Variants in TRIM66 observed in about 807,000 individuals in gnomAD.
TRIM66 encodes the protein tripartite motif-containing protein 66.
TRIM66 carries 99 observed loss-of-function variants against 148.2 expected under a neutral mutation model. The observed-to-expected ratio is 0.67, with a 90% CI of 0.57 to 0.79. The LOEUF (loss-of-function observed/expected upper bound fraction) is 0.79, where lower values mean the gene tolerates loss of function less well. TRIM66 is among the 30% of genes least tolerant of loss of function. TRIM66 has a pLI of 0.00. For synonymous variants in TRIM66, 616 were observed against 635.9 expected (o/e 0.97, Z 0.47); for missense variants, 1,666 against 1,697.9 (o/e 0.98, Z 0.33).
rs1452421498 is a variant in TRIM66 at position 8,620,040 on chromosome 11, C to G, written c.3747+10G>C. On this transcript the variant is annotated intron_variant, in intron 22 of 24. Transcript: ENST00000646038. Reference sequence around the variant, plus strand: ...AGGAGAAGGTGAGAGAACAGCGTGGCCTTCCTTACCAGGGGGCTGACAGGT... The same window carrying G: ...AGGAGAAGGTGAGAGAACAGCGTGGGCTTCCTTACCAGGGGGCTGACAGGT... 2 of 1,551,260 alleles carry G rather than the reference C, an allele frequency of 1.3e-6. No individual in the cohort carries two copies. The highest frequency in any genetic ancestry group is 1.7e-6 in the Non-Finnish European group (2 of 1,146,726).
Position 8,640,569 on chromosome 11 carries a change from T to G in TRIM66, c.1806A>C (p.Leu602=), listed in dbSNP as rs1392171790. Residue 602 remains leucine, a synonymous_variant, in exon 14 of 25, where the codon CTA becomes CTC. Coordinates refer to ENST00000646038, the MANE Select transcript of TRIM66 (RefSeq NM_001388022.1). ...SHFQQQPQQQ[L]PPPPPPLPHP... ...GGGGGAGGGGTGGTGGTGGAGGTGG[T>G]AGCTGCTGCTGTGGCTGCTGCTGAA... is the stretch of plus-strand genomic sequence containing the variant. 3 of 1,548,166 alleles carry G rather than the reference T, an allele frequency of 1.9e-6. No homozygotes were observed. The highest frequency in any genetic ancestry group is 1.7e-6 in the Non-Finnish European group (2 of 1,145,456).
intron 13 of TRIM66, among the ~76,000 whole-genome samples, chr11:8,642,125 G>A (rs1223678998): frequency 1.3e-5 from 2 of 152,156 alleles, no homozygotes; most frequent in African/African-American, 2.4e-5. Flanking sequence ...TGCACAAGTA[G>A]ATCTATGGCT....
intron 3 of TRIM66, among the ~76,000 whole-genome samples, chr11:8,676,963 A>G (rs961128732): frequency 1.3e-5 from 2 of 152,246 alleles, no homozygotes; most frequent in African/African-American, 4.8e-5. Context: ...AATGTTAACA[A>G]AAAGTTAAAT....
chr11:8,618,660 C>T, intron 24 of TRIM66, 90 bp downstream of exon 24: 2 of 1,248,760 alleles, frequency 1.6e-6, no homozygotes, highest in Non-Finnish European at 2.2e-6. Flanking sequence ...TTTTGCACCA[C>T]CCGAACAGCT....
chr11:8,669,470 CCT>C (rs1565572199), intron 6 of TRIM66, among the ~76,000 whole-genome samples: 1 of 152,046 alleles, frequency 6.6e-6, no homozygotes, highest in Non-Finnish European at 1.5e-5. Flanking sequence ...ATGGCGAAAC[CCT>C]GTCTCTACTA....
intron 13 of TRIM66, 129 bp from the exon 14 acceptor site, chr11:8,641,281 C>T: frequency 1.2e-6 from 1 of 822,702 alleles, no homozygotes; most frequent in Non-Finnish European, 1.9e-6. Flanking sequence ...AGAAACTCAA[C>T]CCTTGATCTC....
At chr11:8,619,139 A>G in intron 23 of TRIM66, 171 bp from the exon 24 acceptor site, 2 of 736,312 alleles carry the variant, frequency 2.7e-6, no homozygotes, top group South Asian at 3.7e-5. Flanking sequence ...CAGCTCTTAT[A>G]GCAGAAGTGA....
chr11:8,675,469 ACCTCCCAGGTTCAAG>A (rs2039133408), intron 3 of TRIM66, among the ~76,000 whole-genome samples: 1 of 151,872 alleles, frequency 6.6e-6, no homozygotes, highest in East Asian at 1.9e-4. Flanking sequence ...AGAAACCTCC[ACCTCCCAGGTTCAAG>A]TGATTCTCCT....
intron 6 of TRIM66, among the ~76,000 whole-genome samples, chr11:8,663,962 G>A (rs1292521776): frequency 6.6e-6 from 1 of 152,128 alleles, no homozygotes; most frequent in Non-Finnish European, 1.5e-5. Context: ...AGCTACCAGG[G>A]GCTAGAGTGG....
chr11:8,649,728 T>C lies in TRIM66; in HGVS notation c.592+12A>G. The C allele has an allele frequency of 6.5e-7, 1 of 1,550,290 alleles. No homozygotes were observed. The highest frequency in any genetic ancestry group is 8.7e-7 in the Non-Finnish European group (1 of 1,146,786). ...GGGCATGGGAGTGGGCAGGGAGAGG[T>C]GGGATTGGTACCTGGAGATCCCTTC... is the stretch of plus-strand genomic sequence containing the variant. On this transcript the variant is annotated intron_variant, in intron 8 of 24. Coordinates refer to ENST00000646038, the MANE Select transcript of TRIM66 (RefSeq NM_001388022.1).
At chr11:8,667,891 C>A (rs1330736339) in intron 6 of TRIM66, among the ~76,000 whole-genome samples, 1 of 152,212 alleles carries the variant, frequency 6.6e-6, no homozygotes, top group Non-Finnish European at 1.5e-5. Flanking sequence ...ACAAATATCT[C>A]TTCAAGTCCC....
At chr11:8,675,735 A>ATTAT (rs1361525107) in intron 3 of TRIM66, among the ~76,000 whole-genome samples, 2 of 141,124 alleles carry the variant, frequency 1.4e-5, no homozygotes, top group African/African-American at 2.5e-5. Context: ...TTTTTTAATT[A>ATTAT]TTATTTATTT....
intron 6 of TRIM66, among the ~76,000 whole-genome samples, chr11:8,660,413 A>T (rs557509789): frequency 6.6e-6 from 1 of 152,324 alleles, no homozygotes; most frequent in African/African-American, 2.4e-5. Flanking sequence ...GGTGTCACCT[A>T]CAGATTCAAA....
Position 8,661,807 on chromosome 11 carries a change from A to T in TRIM66, c.341-9904T>A, listed in dbSNP as rs149457647. ...ACTCAACCCTAACCACTCCCCCTTA[A>T]ATCAGAAAGTTCCAGCAGACAAGAG... On this transcript the variant is annotated intron_variant, in intron 6 of 24. Coordinates refer to ENST00000646038, the MANE Select transcript of TRIM66 (RefSeq NM_001388022.1). Among the ~76,000 whole-genome samples, 885 of 152,158 alleles carry T rather than the reference A, an allele frequency of 5.8e-3. 25 individuals are homozygous for T. The East Asian group carries it at 0.074, about 13-fold the overall frequency.
chr11:8,640,531 G>C lies in TRIM66; in HGVS notation c.1844C>G (p.Pro615Arg), dbSNP rs1473649527. The C allele has an allele frequency of 6.5e-7, 1 of 1,531,976 alleles. No homozygotes were observed. The highest frequency in any genetic ancestry group is 1.2e-5 in the South Asian group (1 of 83,262). The allele number at this position is 1,531,976 out of a possible 1,614,324, so 94.9% of individuals were successfully genotyped here. A position where few individuals can be genotyped will look rare whatever the true frequency, so the allele number is the denominator to read the frequency against. ...PPPPLPHPPP[P>R]LPPPPQQPHP... is the part of the protein sequence containing the mutation. ...TGGCTGCTGTGGGGGAGGGGGAAGG[G>C]GAGGTGGGGGATGGGGGAGGGGTGG... The change falls in exon 14 of 25, where the codon CCC becomes CGC. Residue 615 changes from proline to arginine, a missense_variant. Coordinates refer to ENST00000646038, the MANE Select transcript of TRIM66 (RefSeq NM_001388022.1).
chr11:8,645,950 G>A, intron 11 of TRIM66, 63 bp from the exon 12 acceptor site: 1 of 1,498,882 alleles, frequency 6.7e-7, no homozygotes, highest in Non-Finnish European at 9.0e-7. Flanking sequence ...ACCTGCTTGG[G>A]AAGTCTGGTG....
rs2036302359 is a variant in TRIM66, at chr11:8,640,692, T to TG, written c.1682dup (p.Gln562ThrfsTer75). On this transcript the variant is annotated frameshift_variant, in exon 14 of 25. Coordinates refer to ENST00000646038, the MANE Select transcript of TRIM66 (RefSeq NM_001388022.1). LOFTEE classifies it high-confidence loss of function. ...CATGGGCTCCTTGCTGAACATCCTG[T>TG]GGGGGGACAATGCACACGGGCTGGG... The TG allele has an allele frequency of 1.3e-6, 2 of 1,551,356 alleles. No individual in the cohort carries two copies. Among genetic ancestry groups the TG allele is most frequent in the South Asian group, 1.2e-5 (1 of 84,044 alleles).
intron 6 of TRIM66, among the ~76,000 whole-genome samples, chr11:8,653,702 GCAGTAAAAGCTAACTGATAC>G (rs2037561963): frequency 6.6e-6 from 1 of 151,850 alleles, no homozygotes. Context: ...GGCTTGTTAT[GCAGTAAAAGCTAACTGATAC>G]ATCCCAGGAA....
intron 14 of TRIM66, 92 bp from the exon 15 acceptor site, chr11:8,638,907 T>C (rs2036132466): frequency 1.6e-5 from 21 of 1,338,386 alleles, no homozygotes; most frequent in Non-Finnish European, 1.4e-5. Flanking sequence ...CACCCTGCCA[T>C]GTGCATCATC....
Sources: gnomAD v4.1 joint callset for allele counts (sites outside exome capture counted in the v4.1 genomes callset) on GRCh38, gnomAD v4.1.1 for gene constraint, MANE v1.5 for transcripts, NCBI Gene and HGNC (gene_info 2026-07-23, HGNC 2026-07-21) for gene names.